NRXN3: variants seen among roughly 807,000 people sequenced by gnomAD.
NRXN3 encodes the protein neurexin III.
Under a neutral mutation model 137.6 loss-of-function variants are expected in NRXN3, and 32 were observed. The ratio of observed to expected loss-of-function variants is 0.23; its 90% confidence interval spans 0.18 to 0.31. NRXN3 has a LOEUF of 0.31. Among genes scored for constraint, NRXN3 ranks in the 10% least tolerant of loss-of-function variants. The pLI, the probability that NRXN3 is intolerant of heterozygous loss-of-function variation, is 1.00. For synonymous variants in NRXN3, 798 were observed against 784.5 expected (o/e 1.02, Z -0.29); for missense variants, 1,574 against 2,062.5 (o/e 0.76, Z 4.59).
chr14:78,991,256 G>A (rs2099518256), intron 15 of NRXN3, among the ~76,000 whole-genome samples: 1 of 152,206 alleles, frequency 6.6e-6, no homozygotes, highest in South Asian at 2.1e-4. Flanking sequence ...TAACATGCCT[G>A]CCACAAGTGG....
chr14:79,314,916 C>T (rs1277326165), intron 15 of NRXN3, among the ~76,000 whole-genome samples: 1 of 152,082 alleles, frequency 6.6e-6, no homozygotes, highest in Non-Finnish European at 1.5e-5. Flanking sequence ...CCCATCTGTA[C>T]ATCACCATCA....
chr14:79,077,307 A>G lies in NRXN3; in HGVS notation c.3262+89166A>G, dbSNP rs1362358696. ...GTTCAACAAATAGAAGATAGAGCAC[A>G]CGGTGTGTTTAGTCTTAACCACATA... On this transcript the variant is annotated intron_variant, in intron 15 of 20. Transcript: ENST00000335750. 2.0e-5 allele frequency among the ~76,000 whole-genome samples: 3 copies of G among 152,172 alleles called. No homozygotes were observed. The South Asian group carries it at 6.2e-4, about 31-fold the overall frequency.
At chr14:78,884,320 A>G (rs1297666827) in intron 10 of NRXN3, among the ~76,000 whole-genome samples, 1 of 152,216 alleles carries the variant, frequency 6.6e-6, no homozygotes, top group Non-Finnish European at 1.5e-5. Flanking sequence ...GATATGGAAG[A>G]TAGTTTAAAG....
intron 15 of NRXN3, among the ~76,000 whole-genome samples, chr14:79,187,959 C>T (rs538723893): frequency 1.3e-5 from 2 of 152,348 alleles, no homozygotes; most frequent in East Asian, 3.9e-4. Flanking sequence ...CAACCCAACA[C>T]TGTAACCCAG....
At chr14:78,761,171 G>C (rs559085990) in intron 8 of NRXN3, among the ~76,000 whole-genome samples, 1 of 152,082 alleles carries the variant, frequency 6.6e-6, no homozygotes, top group Non-Finnish European at 1.5e-5. Context: ...AAAATTCCCC[G>C]CAATCGCTCT....
intron 16 of NRXN3, among the ~76,000 whole-genome samples, chr14:79,516,457 G>C (rs933568523): frequency 6.6e-6 from 1 of 152,188 alleles, no homozygotes; most frequent in Non-Finnish European, 1.5e-5. Flanking sequence ...CAAGGTATGA[G>C]ACACTGGATG....
At position 78,240,788 on chromosome 14, in the gene NRXN3, G is replaced by A. The variant is rs757069137; in HGVS notation, c.-703-1603G>A. Reference sequence around the variant, plus strand: ...AATCAGCCCCTTGTTCGTTGGGTTTGTTTGTTCATTGGGAATAGGTGTTTG... The same window carrying A: ...AATCAGCCCCTTGTTCGTTGGGTTTATTTGTTCATTGGGAATAGGTGTTTG... On this transcript the variant is annotated intron_variant, in intron 1 of 20. Transcript: ENST00000335750. 1.8e-4 allele frequency among the ~76,000 whole-genome samples: 27 copies of A among 152,244 alleles called. 1 individual carries two copies. Among genetic ancestry groups the A allele is most frequent in the Admixed American group, 3.3e-4 (5 of 15,304 alleles).
At chr14:78,623,701 G>A (rs994670968) in intron 4 of NRXN3, among the ~76,000 whole-genome samples, 12 of 152,168 alleles carry the variant, frequency 7.9e-5, no homozygotes, top group Non-Finnish European at 1.0e-4. Context: ...CAAGTAGCTG[G>A]TATTTATAGG....
At chr14:78,282,785 C>G (rs143384552) in intron 3 of NRXN3, among the ~76,000 whole-genome samples, 1 of 152,320 alleles carries the variant, frequency 6.6e-6, no homozygotes, top group African/African-American at 2.4e-5. Context: ...CTTGCCCTGT[C>G]TCCAGGGAGC....
intron 15 of NRXN3, among the ~76,000 whole-genome samples, chr14:79,016,703 C>G (rs1235931590): frequency 2.0e-5 from 3 of 152,196 alleles, no homozygotes; most frequent in Non-Finnish European, 2.9e-5. Flanking sequence ...TTTCATTTAA[C>G]TCTGCTGTTG....
At chr14:79,301,559 G>C (rs1442647437) in intron 15 of NRXN3, among the ~76,000 whole-genome samples, 5 of 152,024 alleles carry the variant, frequency 3.3e-5, no homozygotes, top group African/African-American at 1.2e-4. Flanking sequence ...TGTGACAGAA[G>C]TGAAACTGAA....
intron 16 of NRXN3, among the ~76,000 whole-genome samples, chr14:79,540,574 A>G (rs1422783916): frequency 1.3e-5 from 2 of 152,188 alleles, no homozygotes; most frequent in Non-Finnish European, 2.9e-5. Flanking sequence ...CATGGTCCCT[A>G]TTCTAAAAGT....
intron 16 of NRXN3, among the ~76,000 whole-genome samples, chr14:79,590,930 C>G (rs192786674): frequency 1.2e-4 from 18 of 152,344 alleles, no homozygotes; most frequent in Admixed American, 5.9e-4. Flanking sequence ...ACCATCCCCT[C>G]CATCTTTCTA....
At position 79,406,179 on chromosome 14, in the gene NRXN3, C is replaced by G. The variant is rs1034179179; in HGVS notation, c.3263-61042C>G. Among the ~76,000 whole-genome samples, 3 of 152,078 alleles carry G rather than the reference C, an allele frequency of 2.0e-5. No individual in the cohort carries two copies. The South Asian group carries it at 6.2e-4, about 32-fold the overall frequency. ...CATTCTTTTAGGTTTGCCAGATGAC[C>G]AAGCCCTACATTCCCACAGCTATGT... On this transcript the variant is annotated intron_variant, in intron 15 of 20. Coordinates refer to ENST00000335750, the MANE Select transcript of NRXN3 (RefSeq NM_001330195.2).
rs1372628312 is a variant in NRXN3, at chr14:78,297,855, A to C, written c.752A>C (p.Glu251Ala). Residue 251 changes from glutamate (E) to alanine (A), a missense_variant, in exon 4 of 21, where the codon GAA (glutamate) becomes GCA (alanine). By Grantham distance (107) the Glu-to-Ala change is moderately radical. Transcript: ENST00000335750. ...DPGLSHLMMS[E>A]QAREENVATF... ...GGCCTCTCCCACCTCATGATGAGTG[A>C]ACAAGGTAGGTGCTTTGTGCTTGTG... 6.5e-7 allele frequency: 1 copy of C among 1,536,360 alleles called. No homozygotes were observed. Among genetic ancestry groups the C allele is most frequent in the Admixed American group, 2.0e-5 (1 of 50,994 alleles).
intron 15 of NRXN3, among the ~76,000 whole-genome samples, chr14:79,156,382 A>AT (rs1318577306): frequency 1.3e-5 from 2 of 151,800 alleles, no homozygotes; most frequent in East Asian, 3.9e-4. Context: ...ATATTTCATT[A>AT]TTTTTTGAAA....
chr14:79,081,386 C>T lies in NRXN3; in HGVS notation c.3262+93245C>T, dbSNP rs186223031. On this transcript the variant is annotated intron_variant, in intron 15 of 20. Coordinates refer to ENST00000335750, the MANE Select transcript of NRXN3 (RefSeq NM_001330195.2). ...ATCCCAACTCTTTGGGAGGCCGAGG[C>T]GGGCAGATCATGAGGTCAGGAGACC... Among the ~76,000 whole-genome samples, 7 of 152,132 alleles carry T rather than the reference C, an allele frequency of 4.6e-5. No individual in the cohort carries two copies. In the East Asian group the frequency reaches 1.2e-3, roughly 25 times the overall value.
At chr14:78,387,590 G>A (rs2090157740) in intron 4 of NRXN3, among the ~76,000 whole-genome samples, 2 of 152,186 alleles carry the variant, frequency 1.3e-5, no homozygotes, top group South Asian at 2.1e-4. Flanking sequence ...CTGAGACGTG[G>A]CCTAATTGGC....
chr14:79,546,488 G>A (rs1442157255), intron 16 of NRXN3, among the ~76,000 whole-genome samples: 2 of 152,164 alleles, frequency 1.3e-5, no homozygotes, highest in African/African-American at 4.8e-5. Flanking sequence ...TCTGCATTAA[G>A]CAAATGTAAG....
Sources: gnomAD v4.1 joint callset for allele counts (sites outside exome capture counted in the v4.1 genomes callset) on GRCh38, gnomAD v4.1.1 for gene constraint, MANE v1.5 for transcripts, NCBI Gene and HGNC (gene_info 2026-07-23, HGNC 2026-07-21) for gene names.